Variants in CX3CR1 observed in about 807,000 individuals in gnomAD.
CX3CR1 encodes CX3C chemokine receptor 1.
For missense variants in CX3CR1, 363 were observed against 432.4 expected (o/e 0.84, Z 1.42); for synonymous variants, 168 against 178.5 (o/e 0.94, Z 0.47).
chr3:39,281,066 G>T, upstream of CX3CR1: 1 of 990,482 alleles, frequency 1.0e-6, no homozygotes, highest in Non-Finnish European at 1.2e-6. Context: ...GGTGTTCCGA[G>T]GACAGCGGGT....
chr3:39,277,321 C>G (rs571547797), intron 1 of CX3CR1, among the ~76,000 whole-genome samples: 1 of 152,260 alleles, frequency 6.6e-6, no homozygotes, highest in Admixed American at 6.5e-5. Flanking sequence ...GCTAGAAGCC[C>G]CAACTTTCCC....
the CX3CR1 span, among the ~76,000 whole-genome samples, chr3:39,288,856 A>C: frequency 3.3e-5 from 5 of 152,170 alleles, no homozygotes; most frequent in African/African-American, 1.2e-4. Context: ...TCTAAGCCTG[A>C]ATTTCCTTAT....
At chr3:39,283,884 C>T (rs1247047575), upstream of CX3CR1, among the ~76,000 whole-genome samples, 1 of 116,986 alleles carries the variant, frequency 8.5e-6, no homozygotes, top group African/African-American at 3.1e-5. Flanking sequence ...TAAATAAGAC[C>T]TAGTATTTAC....
upstream of CX3CR1, chr3:39,280,077 C>T: frequency 1.0e-6 from 1 of 978,572 alleles, no homozygotes; most frequent in Non-Finnish European, 1.2e-6. Flanking sequence ...GCAGAGTTAG[C>T]CAATAGTATC....
chr3:39,287,342 C>T, the CX3CR1 span: 3 of 152,148 alleles, frequency 2.0e-5, no homozygotes, highest in African/African-American at 2.4e-5. Flanking sequence ...TGTTTACTGT[C>T]GTGCAGATGT....
At chr3:39,283,805 A>T (rs1390638334), upstream of CX3CR1, among the ~76,000 whole-genome samples, 712 of 51,154 alleles carry the variant, frequency 0.014, 25 homozygotes, top group African/African-American at 0.069. Context: ...TTATATATAT[A>T]TATATATATA....
chr3:39,275,002 C>T (rs2040822507), intron 1 of CX3CR1, among the ~76,000 whole-genome samples: 1 of 152,142 alleles, frequency 6.6e-6, no homozygotes, highest in South Asian at 2.1e-4. Flanking sequence ...GCTGGGATTA[C>T]AGGCGCCCAC....
chr3:39,284,261 A>C (rs751607823), upstream of CX3CR1, among the ~76,000 whole-genome samples: 1 of 152,088 alleles, frequency 6.6e-6, no homozygotes, highest in African/African-American at 2.4e-5. Context: ...TCCTGGGTTC[A>C]AGCTATTCTT....
chr3:39,281,040 T>C (rs2040891974), upstream of CX3CR1: 2 of 984,124 alleles, frequency 2.0e-6, no homozygotes, highest in Non-Finnish European at 2.4e-6. Flanking sequence ...GGTGCTCCCT[T>C]ACCTCTAGTC....
chr3:39,279,799 T>C (rs1165713458), intron 1 of CX3CR1, among the ~76,000 whole-genome samples, 155 bp downstream of exon 1: 3 of 152,190 alleles, frequency 2.0e-5, no homozygotes, highest in Non-Finnish European at 4.4e-5. Context: ...ACCCCTTGCC[T>C]CCCACTCTTC....
intron 1 of CX3CR1, among the ~76,000 whole-genome samples, chr3:39,266,940 C>T (rs370922748): frequency 2.0e-5 from 3 of 152,094 alleles, no homozygotes; most frequent in Non-Finnish European, 2.9e-5. Context: ...TGCACTACCA[C>T]GCCTGGCTAA....
In CX3CR1 at chr3:39,266,139, C is replaced by T; in HGVS notation, c.371G>A (p.Ser124Asn). The stretch of plus-strand genomic sequence containing the variant: ...GACGATGGCCAGGTACCTATCAATG[C>T]TGATGACGGTGATGAAGAATATGCT... ...FGSIFFITVISIDRYLAIVLA... is the reference protein window; with the variant it reads ...FGSIFFITVINIDRYLAIVLA... The change falls in exon 2 of 2, where the codon AGC (serine) becomes AAC (asparagine). Residue 124 changes from serine to asparagine, a missense_variant. By Grantham distance (46) the Ser-to-Asn change is conservative. Transcript: ENST00000399220. 1 of 1,614,152 alleles carries T rather than the reference C, an allele frequency of 6.2e-7. No homozygotes were observed. The highest frequency in any genetic ancestry group is 8.5e-7 in the Non-Finnish European group (1 of 1,180,038).
At chr3:39,273,670 G>A (rs1010604168) in intron 1 of CX3CR1, among the ~76,000 whole-genome samples, 1 of 152,134 alleles carries the variant, frequency 6.6e-6, no homozygotes, top group Non-Finnish European at 1.5e-5. Context: ...ACAGGATCTC[G>A]CTCTGTTGCC....
upstream of CX3CR1, chr3:39,286,516 T>G (rs1371479837): frequency 1.3e-5 from 2 of 151,514 alleles, no homozygotes; most frequent in Non-Finnish European, 2.9e-5. Context: ...CCGGGCGCGG[T>G]GGCGGGCGCC....
At chr3:39,286,637 G>A (rs1381081804), upstream of CX3CR1, 1 of 119,336 alleles carries the variant, frequency 8.4e-6, no homozygotes, top group Non-Finnish European at 1.6e-5. Flanking sequence ...CGGCCTGGGC[G>A]ACAGAGCGAG....
At chr3:39,283,841 A>AT (rs71085352), upstream of CX3CR1, among the ~76,000 whole-genome samples, 2,374 of 108,942 alleles carry the variant, frequency 0.022, 73 homozygotes, top group Non-Finnish European at 0.03. Context: ...ATATATATAT[A>AT]ATGTGGTTAA....
At chr3:39,278,443 A>C (rs2125556242) in intron 1 of CX3CR1, among the ~76,000 whole-genome samples, 1 of 152,100 alleles carries the variant, frequency 6.6e-6, no homozygotes, top group South Asian at 2.1e-4. Flanking sequence ...AGTGGTCCTC[A>C]AGGCTCTCCA....
Position 39,265,558 on chromosome 3 carries a change from G to T in CX3CR1, c.952C>A (p.Arg318Ser). Residue 318 changes from arginine to serine, a missense_variant, in exon 2 of 2, where the codon CGC (arginine) becomes AGC (serine). Coordinates refer to ENST00000399220, the MANE Select transcript of CX3CR1 (RefSeq NM_001337.4). The stretch of plus-strand genomic sequence containing the variant: ...GAGGAGAAATCAACGTGGACTGAGC[G>T]CCCACACAGGACAGCCAGGCATTTC... ...YGKCLAVLCG[R>S]SVHVDFSSSE... is the part of the protein sequence containing the mutation. 6.2e-7 allele frequency: 1 copy of T among 1,614,154 alleles called. No homozygotes were observed. Among genetic ancestry groups the T allele is most frequent in the Non-Finnish European group, 8.5e-7 (1 of 1,180,036 alleles).
intron 1 of CX3CR1, among the ~76,000 whole-genome samples, chr3:39,273,798 C>T (rs983399779): frequency 6.6e-6 from 1 of 152,094 alleles, no homozygotes; most frequent in Non-Finnish European, 1.5e-5. Flanking sequence ...ACCACCATGC[C>T]CAGCTATTTT....
Sources: gnomAD v4.1 joint callset for allele counts (sites outside exome capture counted in the v4.1 genomes callset) on GRCh38, gnomAD v4.1.1 for gene constraint, MANE v1.5 for transcripts, NCBI Gene and HGNC (gene_info 2026-07-23, HGNC 2026-07-21) for gene names.